The following LINC00632 variants were observed in gnomAD, a reference collection of about 807,000 sequenced individuals.
The protein encoded by LINC00632 is ALDOA related specific transcript.
chrX:140,758,926 C>T (rs1931539052), intron 3 of LINC00632, among the ~76,000 whole-genome samples: 1 of 106,070 alleles, frequency 9.4e-6, no homozygotes, highest in Non-Finnish European at 1.9e-5. Flanking sequence ...CATGGCTCAG[C>T]TTCTTTCATT....
At chrX:140,769,665 G>C (rs747005853) in intron 3 of LINC00632, among the ~76,000 whole-genome samples, 1 of 111,282 alleles carries the variant, frequency 9.0e-6, no homozygotes, top group Non-Finnish European at 1.9e-5. Context: ...AGCCCTTTAT[G>C]ATTTGCCTCA....
chrX:140,790,242 T>TAA (rs1556031702), exon 5 of LINC00632, among the ~76,000 whole-genome samples: 2 of 111,004 alleles, frequency 1.8e-5, no homozygotes, highest in Non-Finnish European at 3.8e-5. Flanking sequence ...TTTTCTTTTA[T>TAA]AAGTGTTTCT....
At chrX:140,768,651 T>TAA (rs1491573622) in intron 3 of LINC00632, among the ~76,000 whole-genome samples, 7 of 33,043 alleles carry the variant, frequency 2.1e-4, no homozygotes, top group Non-Finnish European at 7.0e-4. Context: ...ATATATTTAT[T>TAA]ATATATAATA....
At chrX:140,764,963 C>T (rs754919425) in intron 3 of LINC00632, among the ~76,000 whole-genome samples, 6 of 111,489 alleles carry the variant, frequency 5.4e-5, no homozygotes, top group Admixed American at 9.5e-5. Flanking sequence ...GCAAGGCACT[C>T]GCCTCGGGTG....
intron 2 of LINC00632, among the ~76,000 whole-genome samples, chrX:140,719,944 C>T (rs1748768808): frequency 9.1e-6 from 1 of 109,320 alleles, no homozygotes; most frequent in South Asian, 4.1e-4. Flanking sequence ...AAAAATTAGC[C>T]GGGCATGGTG....
chrX:140,790,987 T>A (rs2148408483), exon 5 of LINC00632, among the ~76,000 whole-genome samples: 1 of 111,548 alleles, frequency 9.0e-6, no homozygotes, highest in South Asian at 3.8e-4. Context: ...TTGTATCTAT[T>A]TTTTTTTCTT....
chrX:140,791,205 G>A (rs1031123781), exon 5 of LINC00632, among the ~76,000 whole-genome samples: 2 of 111,487 alleles, frequency 1.8e-5, no homozygotes, highest in African/African-American at 6.5e-5. Flanking sequence ...ATCAGGGATG[G>A]ATAAAGAATG....
At chrX:140,763,667 T>C (rs967534410) in intron 3 of LINC00632, among the ~76,000 whole-genome samples, 1 of 111,158 alleles carries the variant, frequency 9.0e-6, no homozygotes. Context: ...AATATGTCTT[T>C]GGGGAATTGG....
At chrX:140,747,247 G>T (rs1931339342) in intron 3 of LINC00632, among the ~76,000 whole-genome samples, 1 of 111,637 alleles carries the variant, frequency 9.0e-6, no homozygotes, top group South Asian at 3.8e-4. Context: ...ATTACATCGG[G>T]CTGGGCACGG....
intron 3 of LINC00632, among the ~76,000 whole-genome samples, chrX:140,736,798 C>T (rs1352286185): frequency 9.1e-6 from 1 of 109,931 alleles, no homozygotes; most frequent in African/African-American, 3.3e-5. Flanking sequence ...AAATATAAAA[C>T]TAGCATATCA....
Position 140,754,200 on chromosome X carries a change from C to T in LINC00632, n.192-17878C>T, listed in dbSNP as rs1185309762. Among the ~76,000 whole-genome samples the T allele has an allele frequency of 9.0e-5, 10 of 111,726 alleles. No homozygotes were observed. The Admixed American group carries it at 9.5e-4, about 11-fold the overall frequency. ...AACTAGTGGCACTTAGTCTTGGATG[C>T]ACACTGGAATCACACTGGCATATTA... On this transcript the variant is annotated intron_variant and non_coding_transcript_variant, in intron 3 of 4. Coordinates refer to ENST00000648200, the Ensembl canonical transcript of LINC00632.
chrX:140,762,546 C>T (rs113184684), intron 3 of LINC00632, among the ~76,000 whole-genome samples: 5,467 of 112,031 alleles, frequency 0.049, 335 homozygotes, highest in African/African-American at 0.17. Context: ...ACAGACTTAA[C>T]GATTATTTGT....
At chrX:140,780,997 C>G (rs747737008) in exon 5 of LINC00632, among the ~76,000 whole-genome samples, 1 of 110,515 alleles carries the variant, frequency 9.0e-6, no homozygotes, top group Non-Finnish European at 1.9e-5. Flanking sequence ...ACTGGCTTTC[C>G]TTATGTACGG....
chrX:140,758,269 G>A (rs1385514349), intron 3 of LINC00632, among the ~76,000 whole-genome samples: 1 of 110,684 alleles, frequency 9.0e-6, no homozygotes, highest in African/African-American at 3.3e-5. Flanking sequence ...TGATGTGAAA[G>A]GAATACTAGA....
exon 4 of LINC00632, among the ~76,000 whole-genome samples, chrX:140,774,273 A>G: frequency 8.9e-6 from 1 of 112,534 alleles, no homozygotes; most frequent in Non-Finnish European, 1.9e-5. Flanking sequence ...TTCAAAAGAA[A>G]GAGATCCTTT....
chrX:140,717,980 T>A (rs183158646), intron 2 of LINC00632, among the ~76,000 whole-genome samples: 1 of 109,289 alleles, frequency 9.2e-6, no homozygotes, highest in Non-Finnish European at 1.9e-5. Context: ...TTACTAAAAA[T>A]ACAAAATTAG....
exon 5 of LINC00632, chrX:140,782,912 C>G (rs1293537489): frequency 9.0e-6 from 1 of 111,699 alleles, no homozygotes; most frequent in African/African-American, 3.3e-5. Flanking sequence ...CCAATGTCTC[C>G]CAATATCCAG....
intron 3 of LINC00632, among the ~76,000 whole-genome samples, chrX:140,758,578 G>A (rs1410476617): frequency 3.6e-5 from 4 of 111,010 alleles, no homozygotes; most frequent in East Asian, 2.8e-4. Flanking sequence ...GGGTTTCGCC[G>A]TGTTGGCCAG....
chrX:140,770,929 C>T (rs1000927459), intron 3 of LINC00632, among the ~76,000 whole-genome samples: 7 of 111,790 alleles, frequency 6.3e-5, no homozygotes, highest in African/African-American at 1.6e-4. Context: ...CAAAGCTACA[C>T]TAACCCAAAG....
Sources: gnomAD v4.1 joint callset for allele counts (sites outside exome capture counted in the v4.1 genomes callset) on GRCh38, gnomAD v4.1.1 for gene constraint, MANE v1.5 for transcripts, NCBI Gene and HGNC (gene_info 2026-07-23, HGNC 2026-07-21) for gene names.